The following DIAPH3 variants were observed in gnomAD, a reference collection of about 807,000 sequenced individuals.
DIAPH3 encodes diaphanous related formin 3, also known as protein diaphanous homolog 3.
A neutral mutation model predicts 144.3 loss-of-function variants in DIAPH3; 117 were observed. That is an observed-to-expected ratio of 0.81 (90% confidence interval 0.70 to 0.95). The LOEUF (loss-of-function observed/expected upper bound fraction) is 0.95. Ranked by LOEUF, DIAPH3 falls within the 40% of genes least tolerant of loss-of-function variation. The pLI, the probability that DIAPH3 is intolerant of heterozygous loss-of-function variation, is 0.00. For synonymous variants in DIAPH3, 519 were observed against 488.9 expected, an observed-to-expected ratio of 1.06 and a Z score of -0.81; for missense variants, 1,421 against 1,412.7, an observed-to-expected ratio of 1.01 and a Z score of -0.09.
At chr13:59,788,104 C>T (rs965018703) in intron 25 of DIAPH3, among the ~76,000 whole-genome samples, 3 of 152,026 alleles carry the variant, frequency 2.0e-5, no homozygotes, top group Non-Finnish European at 4.4e-5. Flanking sequence ...ATAAATAAAC[C>T]ATGCTTTAGA....
intron 27 of DIAPH3, among the ~76,000 whole-genome samples, chr13:59,707,602 T>C (rs140457121): frequency 1.3e-5 from 2 of 152,328 alleles, no homozygotes; most frequent in Non-Finnish European, 1.5e-5. Context: ...ACATTTCATA[T>C]CAAGGTTTAA....
intron 25 of DIAPH3, among the ~76,000 whole-genome samples, chr13:59,798,252 G>T (rs1479849604): frequency 6.6e-6 from 1 of 152,110 alleles, no homozygotes; most frequent in South Asian, 2.1e-4. Flanking sequence ...AACACCCTCT[G>T]ATCCATCTGC....
intron 27 of DIAPH3, among the ~76,000 whole-genome samples, chr13:59,705,869 T>C (rs2034392407): frequency 6.6e-6 from 1 of 152,160 alleles, no homozygotes; most frequent in African/African-American, 2.4e-5. Flanking sequence ...CCTGTGCTGA[T>C]ATTACTAAGC....
chr13:60,057,726 C>T (rs947089919), intron 4 of DIAPH3, among the ~76,000 whole-genome samples: 7 of 151,764 alleles, frequency 4.6e-5, no homozygotes, highest in African/African-American at 1.7e-4. Flanking sequence ...GCATAGAGAA[C>T]GCAGGAATAA....
At chr13:59,672,074 T>C (rs887153663) in intron 27 of DIAPH3, among the ~76,000 whole-genome samples, 1 of 152,212 alleles carries the variant, frequency 6.6e-6, no homozygotes. Context: ...TATGTGAATA[T>C]ATGCAACTTG....
chr13:59,997,584 T>C (rs530771915), intron 9 of DIAPH3, among the ~76,000 whole-genome samples: 2 of 152,212 alleles, frequency 1.3e-5, no homozygotes, highest in African/African-American at 4.8e-5. Flanking sequence ...TGTTTTTTTC[T>C]AACCTTTGGT....
intron 17 of DIAPH3, among the ~76,000 whole-genome samples, chr13:59,941,983 A>G (rs2048559874): frequency 6.6e-6 from 1 of 152,160 alleles, no homozygotes; most frequent in East Asian, 1.9e-4. Context: ...TCTTATCCCC[A>G]TACTTAGCTC....
chr13:60,109,668 T>G (rs925477987), intron 3 of DIAPH3, among the ~76,000 whole-genome samples: 2 of 152,178 alleles, frequency 1.3e-5, no homozygotes, highest in Non-Finnish European at 2.9e-5. Flanking sequence ...CTGGGACTTT[T>G]AACCAGGATC....
Position 59,765,261 on chromosome 13 carries a change from CTA to C in DIAPH3, c.3319+8926_3319+8927del, listed in dbSNP as rs137880050. Among the ~76,000 whole-genome samples, 1,454 of 152,218 alleles carry C rather than the reference CTA, an allele frequency of 9.6e-3. 15 individuals carry two copies. Among genetic ancestry groups the C allele is most frequent in the African/African-American group, 0.033 (1,371 of 41,524 alleles). On this transcript the variant is annotated intron_variant, in intron 27 of 27. Transcript: ENST00000400324. ...CATGTCTCCAATTACTAAATCCATT[CTA>C]TGTGCCATTCTTGTTGAAGGATTTG... is the stretch of plus-strand genomic sequence containing the variant.
chr13:59,947,086 T>G (rs967210775), intron 17 of DIAPH3, among the ~76,000 whole-genome samples: 5 of 152,202 alleles, frequency 3.3e-5, no homozygotes, highest in African/African-American at 4.8e-5. Context: ...CTGCAACCAC[T>G]TAACCTTCAT....
chr13:59,880,150 T>A (rs529625830), intron 20 of DIAPH3, among the ~76,000 whole-genome samples: 1 of 152,256 alleles, frequency 6.6e-6, no homozygotes, highest in Admixed American at 6.5e-5. Flanking sequence ...GTTTCTCTAC[T>A]GGGAATGTGG....
At chr13:59,809,319 C>T (rs1415698106) in intron 25 of DIAPH3, among the ~76,000 whole-genome samples, 3 of 152,006 alleles carry the variant, frequency 2.0e-5, no homozygotes, top group Non-Finnish European at 2.9e-5. Flanking sequence ...CTGGCCAACA[C>T]GGCGAAACTC....
At chr13:60,085,349 G>A (rs1390552438) in intron 4 of DIAPH3, among the ~76,000 whole-genome samples, 1 of 152,008 alleles carries the variant, frequency 6.6e-6, no homozygotes, top group African/African-American at 2.4e-5. Flanking sequence ...AATGGTCCAT[G>A]CTTAGCCTTT....
At chr13:59,919,371 C>G (rs566980761) in intron 18 of DIAPH3, among the ~76,000 whole-genome samples, 1 of 152,064 alleles carries the variant, frequency 6.6e-6, no homozygotes, top group Admixed American at 6.5e-5. Flanking sequence ...TATAATCAAA[C>G]TGTCAAAGAT....
At chr13:59,750,086 T>C (rs571043347) in intron 27 of DIAPH3, among the ~76,000 whole-genome samples, 292 of 152,044 alleles carry the variant, frequency 1.9e-3, no homozygotes, top group Middle Eastern at 6.8e-3. Context: ...ATTTTGACTC[T>C]CTCAATACAA....
chr13:59,782,579 A>G (rs1241751928), intron 25 of DIAPH3, among the ~76,000 whole-genome samples: 1 of 152,184 alleles, frequency 6.6e-6, no homozygotes, highest in East Asian at 1.9e-4. Context: ...ATTGAAAGAG[A>G]AAGAAGATGG....
At chr13:60,023,615 G>C (rs2054173026) in intron 5 of DIAPH3, among the ~76,000 whole-genome samples, 1 of 151,560 alleles carries the variant, frequency 6.6e-6, no homozygotes, top group Admixed American at 6.6e-5. Context: ...TGTATTTTTA[G>C]TAGAGACAGG....
chr13:59,946,052 A>G (rs554630058), intron 17 of DIAPH3, among the ~76,000 whole-genome samples: 4 of 152,302 alleles, frequency 2.6e-5, no homozygotes, highest in East Asian at 1.9e-4. Context: ...ATATTTCTCA[A>G]TGATCAACAA....
At position 59,802,652 on chromosome 13, in the gene DIAPH3, A is replaced by AT. The variant is rs1172478257; in HGVS notation, c.3163+8135dup. 1.7e-4 allele frequency among the ~76,000 whole-genome samples: 4 copies of AT among 24,140 alleles called. No individual in the cohort carries two copies. In the East Asian group the frequency reaches 4.6e-3, roughly 28 times the overall value. The allele number at this position is 24,140 out of a possible 152,430, so 15.8% of individuals were successfully genotyped here. A position where few individuals can be genotyped will look rare whatever the true frequency, so the allele number is the denominator to read the frequency against. ...CTATGACTTATTGATCTATATTATT[A>AT]TTATTATTATTATTATTTTTTTTTT... is the stretch of plus-strand genomic sequence containing the variant. On this transcript the variant is annotated intron_variant, in intron 25 of 27. Coordinates refer to ENST00000400324, the MANE Select transcript of DIAPH3 (RefSeq NM_001042517.2).
Sources: gnomAD v4.1 joint callset for allele counts (sites outside exome capture counted in the v4.1 genomes callset) on GRCh38, gnomAD v4.1.1 for gene constraint, MANE v1.5 for transcripts, NCBI Gene and HGNC (gene_info 2026-07-23, HGNC 2026-07-21) for gene names.